The following COMMD10 variants were observed in gnomAD, a reference collection of about 807,000 sequenced individuals.
COMMD10 encodes COMM domain containing 10.
A neutral mutation model predicts 28.9 loss-of-function variants in COMMD10; 33 were observed. The ratio of observed to expected loss-of-function variants is 1.14; its 90% CI spans 0.87 to 1.53. The LOEUF (loss-of-function observed/expected upper bound fraction) is 1.53, where lower values mean the gene tolerates loss of function less well. COMMD10 is among the 40% of genes most tolerant of loss of function. COMMD10 has a pLI of 0.00. For synonymous variants in COMMD10, 110 were observed against 81.7 expected (o/e 1.35, Z -1.87); for missense variants, 310 against 233.4 (o/e 1.33, Z -2.14).
chr5:116,232,623 C>T (rs533679662), intron 5 of COMMD10, among the ~76,000 whole-genome samples: 7 of 152,032 alleles, frequency 4.6e-5, no homozygotes, highest in Non-Finnish European at 8.8e-5. Flanking sequence ...ATTGCTTAAA[C>T]CCCAGGGGGG....
intron 5 of COMMD10, chr5:116,188,461 A>G (rs1748217972): frequency 6.7e-6 from 1 of 150,344 alleles, no homozygotes; most frequent in African/African-American, 2.5e-5. Flanking sequence ...TTTAAAAAAA[A>G]TGGAACACTT....
At chr5:116,229,974 A>AAT (rs1749488516) in intron 5 of COMMD10, among the ~76,000 whole-genome samples, 1 of 151,930 alleles carries the variant, frequency 6.6e-6, no homozygotes, top group Non-Finnish European at 1.5e-5. Context: ...CCCCAAAAAA[A>AAT]AATCAAGACT....
chr5:116,127,838 A>T (rs966959681), intron 4 of COMMD10, among the ~76,000 whole-genome samples: 1 of 152,094 alleles, frequency 6.6e-6, no homozygotes, highest in African/African-American at 2.4e-5. Context: ...TGACATGTTA[A>T]CGGGTGCAGC....
At chr5:116,256,958 G>GA (rs1317632738) in intron 5 of COMMD10, among the ~76,000 whole-genome samples, 3 of 151,584 alleles carry the variant, frequency 2.0e-5, no homozygotes, top group South Asian at 2.1e-4. Context: ...ACTTAACAGT[G>GA]AAAAAAATGA....
rs143442656 is a variant in COMMD10 at position 116,114,234 on chromosome 5, T to C, written c.400-19834T>C. ...GCTGGCACATGAGTTGGCAGTTCCA[T>C]GCAGGCTGATTATTGGGGGCTCTGG... On this transcript the variant is annotated intron_variant, in intron 4 of 6. Coordinates refer to ENST00000274458, the MANE Select transcript of COMMD10 (RefSeq NM_016144.4). Among the ~76,000 whole-genome samples, 314 of 152,214 alleles carry C rather than the reference T, an allele frequency of 2.1e-3. 1 individual carries two copies. Among genetic ancestry groups the C allele is most frequent in the Middle Eastern group, 0.014 (4 of 294 alleles).
At chr5:116,258,062 G>A (rs932377299) in intron 5 of COMMD10, among the ~76,000 whole-genome samples, 1 of 151,676 alleles carries the variant, frequency 6.6e-6, no homozygotes, top group Admixed American at 6.6e-5. Flanking sequence ...TATCAATACA[G>A]ATCTACAAAT....
intron 5 of COMMD10, among the ~76,000 whole-genome samples, chr5:116,211,637 A>G (rs1164029062): frequency 2.6e-5 from 4 of 152,176 alleles, no homozygotes; most frequent in Non-Finnish European, 5.9e-5. Flanking sequence ...ATAAATTTCT[A>G]GTAACGCTCA....
chr5:116,143,851 G>T (rs1474187063), intron 5 of COMMD10, among the ~76,000 whole-genome samples: 2 of 151,652 alleles, frequency 1.3e-5, no homozygotes, highest in African/African-American at 4.8e-5. Flanking sequence ...GATATAGGCA[G>T]GTTTTATTTT....
intron 5 of COMMD10, among the ~76,000 whole-genome samples, chr5:116,198,252 C>T (rs767421913): frequency 4.6e-5 from 7 of 152,226 alleles, no homozygotes; most frequent in Non-Finnish European, 1.0e-4. Context: ...AGCAGCCAGT[C>T]TCTTGACTTT....
intron 5 of COMMD10, among the ~76,000 whole-genome samples, chr5:116,174,933 A>T (rs573066602): frequency 6.6e-6 from 1 of 152,276 alleles, no homozygotes; most frequent in East Asian, 1.9e-4. Context: ...AAAACATAAG[A>T]TTAACTTTTC....
intron 5 of COMMD10, among the ~76,000 whole-genome samples, chr5:116,230,669 G>A (rs1438040541): frequency 6.6e-6 from 1 of 151,930 alleles, no homozygotes. Context: ...TTTTAAAAAA[G>A]AAAAGATTGA....
At chr5:116,152,309 A>T (rs1752554630) in intron 5 of COMMD10, among the ~76,000 whole-genome samples, 1 of 152,072 alleles carries the variant, frequency 6.6e-6, no homozygotes, top group Non-Finnish European at 1.5e-5. Context: ...TTCCTTAATT[A>T]CTAATATTCT....
In COMMD10 at chr5:116,092,606, G is replaced by C. The variant is rs151325955; in HGVS notation, c.305G>C (p.Arg102Thr). 3.0e-5 allele frequency: 49 copies of C among 1,612,462 alleles called. No homozygotes were observed. In the African/African-American group the frequency reaches 5.6e-4, roughly 18 times the overall value. The change falls in exon 4 of 7, where the codon AGA becomes ACA. Residue 102 changes from arginine (R) to threonine (T), a missense_variant. By Grantham distance (71) the Arg-to-Thr change is moderately conservative. Transcript: ENST00000274458. ...CAGCAATTAGAGAACATTCATCTTA[G>C]ACAAGACAAAGCTGAAGCATTTGTC... ...LQQQLENIHL[R>T]QDKAEAFVNT...
intron 5 of COMMD10, among the ~76,000 whole-genome samples, chr5:116,161,038 T>G (rs1400676551): frequency 6.6e-6 from 1 of 152,170 alleles, no homozygotes; most frequent in African/African-American, 2.4e-5. Context: ...AAAAAATATC[T>G]CATTTCTTGG....
intron 5 of COMMD10, among the ~76,000 whole-genome samples, chr5:116,259,749 C>G (rs780387423): frequency 4.0e-5 from 6 of 151,716 alleles, no homozygotes; most frequent in Non-Finnish European, 8.8e-5. Flanking sequence ...AGTTTTTCAC[C>G]TGGGTTTCGG....
At chr5:116,125,346 ATTCTT>A (rs1244078116) in intron 4 of COMMD10, among the ~76,000 whole-genome samples, 1 of 152,138 alleles carries the variant, frequency 6.6e-6, no homozygotes, top group Non-Finnish European at 1.5e-5. Flanking sequence ...TGGGTTGAAA[ATTCTT>A]TTCTTTAAGA....
chr5:116,095,990 C>T (rs1289647122), intron 4 of COMMD10, among the ~76,000 whole-genome samples: 2 of 152,068 alleles, frequency 1.3e-5, no homozygotes, highest in East Asian at 3.8e-4. Context: ...GCCAATATCA[C>T]ACTGCCTTAA....
chr5:116,228,162 G>C (rs1271729543), intron 5 of COMMD10, among the ~76,000 whole-genome samples: 1 of 151,830 alleles, frequency 6.6e-6, no homozygotes. Flanking sequence ...AATATCTCAA[G>C]TTTGCTTACA....
At chr5:116,178,381 A>G (rs1561650910) in intron 5 of COMMD10, among the ~76,000 whole-genome samples, 1 of 152,114 alleles carries the variant, frequency 6.6e-6, no homozygotes, top group African/African-American at 2.4e-5. Flanking sequence ...CTTAAACAAA[A>G]CTTACTTTAT....
Sources: allele counts gnomAD v4.1 joint callset (sites outside exome capture counted in the v4.1 genomes callset), GRCh38; gene constraint gnomAD v4.1.1; transcripts MANE v1.5; gene names NCBI Gene and HGNC (gene_info 2026-07-23, HGNC 2026-07-21).